PTPRE: variants seen among roughly 807,000 people sequenced by gnomAD.
PTPRE encodes the protein protein tyrosine phosphatase receptor type E, also known as receptor-type tyrosine-protein phosphatase epsilon.
A neutral mutation model predicts 102.0 loss-of-function variants in PTPRE; 51 were observed. The ratio of observed to expected loss-of-function variants is 0.50; its 90% CI spans 0.40 to 0.63. PTPRE has a LOEUF of 0.63. Among genes scored for constraint, PTPRE ranks in the 30% least tolerant of loss-of-function variants. The pLI is 0.00. For missense variants in PTPRE, 752 were observed against 915.1 expected (o/e 0.82, Z 2.30); for synonymous variants, 345 against 348.2 (o/e 0.99, Z 0.10).
intron 1 of PTPRE, among the ~76,000 whole-genome samples, chr10:127,959,178 G>A (rs900114169): frequency 1.3e-5 from 2 of 152,214 alleles, no homozygotes; most frequent in African/African-American, 4.8e-5. Context: ...TTATAGGCAT[G>A]AGCCACCACG....
intron 2 of PTPRE, among the ~76,000 whole-genome samples, chr10:128,027,984 C>T (rs982741033): frequency 3.3e-5 from 5 of 152,138 alleles, no homozygotes; most frequent in Admixed American, 6.5e-5. Flanking sequence ...ACCAGCACGC[C>T]GAGGGTCTCC....
At chr10:127,985,256 T>A (rs1851983480) in intron 2 of PTPRE, among the ~76,000 whole-genome samples, 1 of 152,232 alleles carries the variant, frequency 6.6e-6, no homozygotes, top group African/African-American at 2.4e-5. Flanking sequence ...ATGTGACATT[T>A]AAGTGAGATG....
intron 2 of PTPRE, among the ~76,000 whole-genome samples, chr10:128,007,227 A>G (rs545049498): frequency 3.3e-5 from 5 of 152,172 alleles, no homozygotes; most frequent in Admixed American, 1.3e-4. Flanking sequence ...TGGGGGAAAA[A>G]TACTGCTCAA....
chr10:127,956,770 G>T (rs1021112070), intron 1 of PTPRE, among the ~76,000 whole-genome samples: 5 of 152,198 alleles, frequency 3.3e-5, no homozygotes, highest in Non-Finnish European at 7.4e-5. Context: ...ATTACAATAG[G>T]TGGGTAGTGG....
At chr10:128,064,609 G>A (rs1849898925) in intron 10 of PTPRE, among the ~76,000 whole-genome samples, 1 of 152,216 alleles carries the variant, frequency 6.6e-6, no homozygotes, top group Non-Finnish European at 1.5e-5. Flanking sequence ...CACAGAAGCA[G>A]TGGGGCTCAA....
At chr10:128,041,432 G>A (rs1456844684) in intron 3 of PTPRE, among the ~76,000 whole-genome samples, 5 of 152,102 alleles carry the variant, frequency 3.3e-5, no homozygotes, top group Non-Finnish European at 5.9e-5. Context: ...GGCAGATCAC[G>A]AGGTCAAGAG....
intron 19 of PTPRE, among the ~76,000 whole-genome samples, chr10:128,078,006 G>A (rs888611096): frequency 1.6e-4 from 25 of 152,226 alleles, no homozygotes; most frequent in African/African-American, 5.8e-4. Flanking sequence ...TAACATAAAT[G>A]CAGAATGCAC....
At chr10:127,968,860 C>T (rs748187870) in intron 1 of PTPRE, among the ~76,000 whole-genome samples, 9 of 152,186 alleles carry the variant, frequency 5.9e-5, no homozygotes, top group Non-Finnish European at 1.2e-4. Context: ...TGTGATTGTG[C>T]GTTAAGTTCT....
At chr10:127,939,361 C>T (rs969986648) in intron 1 of PTPRE, among the ~76,000 whole-genome samples, 4 of 152,166 alleles carry the variant, frequency 2.6e-5, no homozygotes, top group East Asian at 1.9e-4. Context: ...GTGGCAAACA[C>T]GAGTGCATAT....
intron 3 of PTPRE, among the ~76,000 whole-genome samples, chr10:128,042,331 C>T (rs1352198916): frequency 6.6e-6 from 1 of 152,158 alleles, no homozygotes; most frequent in African/African-American, 2.4e-5. Context: ...CTGTGGGCAC[C>T]GGCAGGATGA....
intron 7 of PTPRE, among the ~76,000 whole-genome samples, chr10:128,059,280 G>C (rs919366523): frequency 2.6e-5 from 4 of 152,232 alleles, no homozygotes; most frequent in Non-Finnish European, 4.4e-5. Flanking sequence ...CTGCAGGACT[G>C]TAAGTTTGGG....
intron 2 of PTPRE, among the ~76,000 whole-genome samples, chr10:127,986,459 A>T (rs1852097977): frequency 6.6e-6 from 1 of 152,250 alleles, no homozygotes; most frequent in Non-Finnish European, 1.5e-5. Context: ...AAATTAAATG[A>T]TTCTGTAACT....
intron 1 of PTPRE, among the ~76,000 whole-genome samples, chr10:127,909,306 C>T (rs1289413121): frequency 6.6e-6 from 1 of 152,176 alleles, no homozygotes; most frequent in Non-Finnish European, 1.5e-5. Flanking sequence ...AGAGAAGATG[C>T]ATTCACAGTG....
chr10:127,911,322 A>G (rs1049627538), intron 1 of PTPRE, among the ~76,000 whole-genome samples: 4 of 152,196 alleles, frequency 2.6e-5, no homozygotes, highest in Non-Finnish European at 5.9e-5. Flanking sequence ...AATATGCACC[A>G]TTGACTCCAG....
At chr10:127,946,050 G>T (rs1054302357) in intron 1 of PTPRE, among the ~76,000 whole-genome samples, 1 of 152,136 alleles carries the variant, frequency 6.6e-6, no homozygotes, top group East Asian at 1.9e-4. Context: ...TGGGCCAGGA[G>T]TAGATCCAGG....
At chr10:128,047,692 C>A (rs977148649) in intron 4 of PTPRE, 72 bp from the exon 5 acceptor site, 1 of 1,614,080 alleles carries the variant, frequency 6.2e-7, no homozygotes, top group Non-Finnish European at 8.5e-7. Context: ...TGGTGGGTAT[C>A]ACTGTGCCGA....
At chr10:127,916,606 G>A (rs1846225488) in intron 1 of PTPRE, among the ~76,000 whole-genome samples, 1 of 152,186 alleles carries the variant, frequency 6.6e-6, no homozygotes, top group Non-Finnish European at 1.5e-5. Context: ...TCCAGACAGA[G>A]GGGCTACCAT....
chr10:127,968,694 G>A (rs1850454873), intron 1 of PTPRE, among the ~76,000 whole-genome samples: 1 of 152,242 alleles, frequency 6.6e-6, no homozygotes, highest in Non-Finnish European at 1.5e-5. Context: ...CTGAACTCCT[G>A]ACTTCTTTGA....
chr10:127,997,612 G>A (rs1853404400), intron 2 of PTPRE, among the ~76,000 whole-genome samples: 2 of 152,130 alleles, frequency 1.3e-5, no homozygotes, highest in Admixed American at 1.3e-4. Context: ...TGTATTTGTG[G>A]CTATGTGTAC....
Sources: gnomAD v4.1 joint callset for allele counts (sites outside exome capture counted in the v4.1 genomes callset) on GRCh38, gnomAD v4.1.1 for gene constraint, MANE v1.5 for transcripts, NCBI Gene and HGNC (gene_info 2026-07-23, HGNC 2026-07-21) for gene names.